Variants in GABPB1 observed in about 807,000 individuals in gnomAD.
GABPB1 encodes the protein GA-binding protein subunit beta-1.
Under a neutral mutation model 45.9 loss-of-function variants are expected in GABPB1, and 15 were observed. The ratio of observed to expected loss-of-function variants is 0.33; its 90% CI spans 0.22 to 0.50. GABPB1 has a LOEUF of 0.50. Among genes scored for constraint, GABPB1 ranks in the 20% least tolerant of loss-of-function variants. The pLI is 0.98. For synonymous variants in GABPB1, 143 were observed against 154.4 expected, an observed-to-expected ratio of 0.93 and a Z score of 0.55; for missense variants, 252 against 457.5, an observed-to-expected ratio of 0.55 and a Z score of 4.10.
rs1277644195 is a variant in GABPB1 at position 50,275,679 on chromosome 15, AAAG to A, written c.*2950_*2952del. ...AATAGAGCAATCCAGTGACAGAGTAAAAGAACTCTTCTGCCATTCATATCACAA... is the reference window on the plus strand; with the variant it reads ...AATAGAGCAATCCAGTGACAGAGTAAAACTCTTCTGCCATTCATATCACAA... On this transcript the variant is annotated 3_prime_UTR_variant, in exon 9 of 9. Coordinates refer to ENST00000380877, the MANE Select transcript of GABPB1 (RefSeq NM_016654.5). The A allele has an allele frequency of 1.3e-5, 2 of 152,228 alleles. No homozygotes were observed. Among genetic ancestry groups the A allele is most frequent in the Non-Finnish European group, 2.9e-5 (2 of 68,046 alleles). 9.4% of individuals were successfully genotyped at this position (152,228 alleles called of 1,614,324 possible). A position where few individuals can be genotyped will look rare whatever the true frequency, so the allele number is the denominator to read the frequency against.
chr15:50,345,521 T>C (rs1335650862), intron 1 of GABPB1, among the ~76,000 whole-genome samples: 3 of 152,250 alleles, frequency 2.0e-5, no homozygotes, highest in South Asian at 2.1e-4. Context: ...TGAGCTGCAA[T>C]TGTACTCCAG....
chr15:50,348,740 T>C (rs774673315), intron 1 of GABPB1, among the ~76,000 whole-genome samples: 25 of 151,912 alleles, frequency 1.6e-4, no homozygotes, highest in Admixed American at 4.6e-4. Context: ...CGCGCACCTG[T>C]AGTCCCAGCT....
intron 7 of GABPB1, among the ~76,000 whole-genome samples, chr15:50,287,872 T>C (rs1011849101): frequency 1.1e-4 from 16 of 151,944 alleles, no homozygotes; most frequent in African/African-American, 3.9e-4. Context: ...GCTTCAGAGG[T>C]CAAGGGTTTC....
At chr15:50,300,443 T>TG (rs2046695505) in intron 6 of GABPB1, among the ~76,000 whole-genome samples, 1 of 120,192 alleles carries the variant, frequency 8.3e-6, no homozygotes, top group Non-Finnish European at 1.9e-5. Context: ...TTGGTTTTTT[T>TG]TTTTTTTTTT....
At chr15:50,346,267 C>A (rs1337477547) in intron 1 of GABPB1, 1 of 152,052 alleles carries the variant, frequency 6.6e-6, no homozygotes, top group Non-Finnish European at 1.5e-5. Context: ...TATGAGACAA[C>A]AGAAAAATGC....
At chr15:50,326,980 C>G (rs1423496986) in intron 1 of GABPB1, among the ~76,000 whole-genome samples, 2 of 152,144 alleles carry the variant, frequency 1.3e-5, no homozygotes, top group Non-Finnish European at 2.9e-5. Context: ...ATGAAGGGGG[C>G]CCATGGATTT....
intron 1 of GABPB1, among the ~76,000 whole-genome samples, chr15:50,324,148 G>C (rs2047667023): frequency 6.6e-6 from 1 of 151,888 alleles, no homozygotes; most frequent in South Asian, 2.1e-4. Context: ...AGGCTGCAGT[G>C]AGCTGTGATT....
At chr15:50,293,322 A>T (rs2046412381) in intron 6 of GABPB1, among the ~76,000 whole-genome samples, 1 of 152,162 alleles carries the variant, frequency 6.6e-6, no homozygotes. Flanking sequence ...AGTTTTCAAG[A>T]TGTACTCAAC....
At chr15:50,335,895 CAAAAAAAA>C (rs775073809) in intron 1 of GABPB1, among the ~76,000 whole-genome samples, 5 of 79,344 alleles carry the variant, frequency 6.3e-5, no homozygotes, top group Non-Finnish European at 9.5e-5. Flanking sequence ...GACTCCGACT[CAAAAAAAA>C]AAAAAAAAAA....
At chr15:50,317,126 T>C (rs562329781) in intron 1 of GABPB1, among the ~76,000 whole-genome samples, 1 of 152,276 alleles carries the variant, frequency 6.6e-6, no homozygotes, top group East Asian at 1.9e-4. Flanking sequence ...CCGAGTGTAG[T>C]GGCTCATGCC....
At position 50,346,587 on chromosome 15, in the gene GABPB1, G is replaced by GTTTTT. The variant is rs67151288; in HGVS notation, c.-1+8393_-1+8397dup. Among the ~76,000 whole-genome samples the GTTTTT allele has an allele frequency of 2.6e-3, 312 of 119,882 alleles. 8 individuals carry two copies. The highest frequency in any genetic ancestry group is 7.8e-3 in the African/African-American group (239 of 30,710). The allele number at this position is 119,882 out of a possible 152,430, so 78.6% of individuals were successfully genotyped here. On this transcript the variant is annotated intron_variant, in intron 1 of 8. Transcript: ENST00000380877. ...CTGGGTAGCTTACAAACAACAGAAA[G>GTTTTT]TTTTTTTTTTTTTTTTTTTGTAGAG...
chr15:50,300,742 G>T, intron 6 of GABPB1, 47 bp downstream of exon 6: 1 of 1,204,570 alleles, frequency 8.3e-7, no homozygotes, highest in African/African-American at 1.5e-5. Flanking sequence ...ACGGCACCCA[G>T]CCTGAATCTG....
rs2045835274 is a variant in GABPB1, at chr15:50,276,075, A to C, written c.*2557T>G. 6.6e-6 allele frequency: 1 copy of C among 152,264 alleles called. No individual in the cohort carries two copies. The highest frequency in any genetic ancestry group is 1.5e-5 in the Non-Finnish European group (1 of 68,046). 9.4% of individuals were successfully genotyped at this position (152,264 alleles called of 1,614,324 possible). A position where few individuals can be genotyped will look rare whatever the true frequency, so the allele number is the denominator to read the frequency against. ...CATAACACTAAATGGCTTGTCTTGC[A>C]GAACCCTGGTTGAGAAAGGTTGCTC... On this transcript the variant is annotated 3_prime_UTR_variant, in exon 9 of 9. Transcript: ENST00000380877.
intron 4 of GABPB1, 21 bp from the exon 5 acceptor site, chr15:50,301,389 G>A: frequency 6.3e-7 from 1 of 1,599,934 alleles, no homozygotes; most frequent in Non-Finnish European, 8.5e-7. Context: ...AATGACCACA[G>A]TGTTTTCAGA....
chr15:50,295,619 C>CAA (rs11356695), intron 6 of GABPB1, among the ~76,000 whole-genome samples: 59 of 136,326 alleles, frequency 4.3e-4, no homozygotes, highest in Middle Eastern at 7.6e-3. Context: ...CTGTAATTCC[C>CAA]AAAAAAAAAA....
At chr15:50,325,897 A>G (rs1230581200) in intron 1 of GABPB1, among the ~76,000 whole-genome samples, 1 of 140,720 alleles carries the variant, frequency 7.1e-6, no homozygotes, top group Non-Finnish European at 1.6e-5. Flanking sequence ...AAAATAAGAT[A>G]TAAGGGTTTT....
rs998216015 is a variant in GABPB1 at position 50,348,514 on chromosome 15, G to A, written c.-1+6471C>T. Among the ~76,000 whole-genome samples, 586 of 150,966 alleles carry A rather than the reference G, an allele frequency of 3.9e-3. 3 individuals carry two copies. The highest frequency in any genetic ancestry group is 0.014 in the African/African-American group (563 of 41,214). ...GATCCGCCCGCCTCGGCCTCCCAAA[G>A]TGCTGGGATTACAGGCATGAGACAC... is the stretch of plus-strand genomic sequence containing the variant. On this transcript the variant is annotated intron_variant, in intron 1 of 8. Coordinates refer to ENST00000380877, the MANE Select transcript of GABPB1 (RefSeq NM_016654.5).
Position 50,355,098 on chromosome 15 carries a change from C to T in GABPB1, c.-114G>A, listed in dbSNP as rs1458403402. ...CCCCGCTACACACAAAGCGCTTCAG[C>T]TGCACAGGGCGCTATTTTCCGAAAA... On this transcript the variant is annotated 5_prime_UTR_variant, in exon 1 of 9. Transcript: ENST00000380877. 1 of 154,104 alleles carries T rather than the reference C, an allele frequency of 6.5e-6. No individual in the cohort carries two copies. The highest frequency in any genetic ancestry group is 1.5e-5 in the Non-Finnish European group (1 of 68,924). The allele number at this position is 154,104 out of a possible 1,614,324, so 9.5% of individuals were successfully genotyped here.
intron 1 of GABPB1, among the ~76,000 whole-genome samples, chr15:50,340,547 CAAA>C (rs397853899): frequency 0.057 from 6,335 of 110,516 alleles, 403 homozygotes; most frequent in African/African-American, 0.18. Context: ...CTATAATCAC[CAAA>C]AAAAAAAAAA....
Sources: allele counts gnomAD v4.1 joint callset (sites outside exome capture counted in the v4.1 genomes callset), GRCh38; gene constraint gnomAD v4.1.1; transcripts MANE v1.5; gene names NCBI Gene and HGNC (gene_info 2026-07-23, HGNC 2026-07-21).